Variants in MGAT4C observed in about 807,000 individuals in gnomAD.
The protein encoded by MGAT4C is alpha-1,3-mannosyl-glycoprotein 4-beta-N-acetylglucosaminyltransferase C.
Under a neutral mutation model 40.1 loss-of-function variants are expected in MGAT4C, and 19 were observed. The ratio of observed to expected loss-of-function variants is 0.47; its 90% confidence interval spans 0.33 to 0.70. The LOEUF is 0.70. Ranked by LOEUF, MGAT4C falls within the 30% of genes least tolerant of loss-of-function variation. The pLI is 0.02. For synonymous variants in MGAT4C, 181 were observed against 187.1 expected, an observed-to-expected ratio of 0.97 and a Z score of 0.27; for missense variants, 491 against 563.2, an observed-to-expected ratio of 0.87 and a Z score of 1.30.
intron 3 of MGAT4C, among the ~76,000 whole-genome samples, chr12:86,399,654 C>G (rs1956321871): frequency 6.6e-6 from 1 of 152,020 alleles, no homozygotes; most frequent in African/African-American, 2.4e-5. Context: ...ATGAAAGGCT[C>G]AAGAGGAGAA....
chr12:86,744,492 T>C (rs1166028867), intron 1 of MGAT4C, among the ~76,000 whole-genome samples: 1 of 151,484 alleles, frequency 6.6e-6, no homozygotes, highest in Non-Finnish European at 1.5e-5. Context: ...AAGTTCATAG[T>C]ACATTTTGGT....
chr12:86,122,391 A>G (rs1431745733), intron 1 of MGAT4C, among the ~76,000 whole-genome samples: 1 of 152,158 alleles, frequency 6.6e-6, no homozygotes, highest in Non-Finnish European at 1.5e-5. Flanking sequence ...TATATTCTAA[A>G]GTATTTTTAT....
intron 1 of MGAT4C, among the ~76,000 whole-genome samples, chr12:86,075,490 C>T (rs1453217357): frequency 6.6e-6 from 1 of 152,148 alleles, no homozygotes; most frequent in African/African-American, 2.4e-5. Flanking sequence ...ATTCTGGGGT[C>T]TGGAAGACAG....
At chr12:86,400,112 T>C (rs1217272131) in intron 3 of MGAT4C, among the ~76,000 whole-genome samples, 1 of 152,148 alleles carries the variant, frequency 6.6e-6, no homozygotes, top group Non-Finnish European at 1.5e-5. Context: ...GACACCCAGC[T>C]GGTATCTGCT....
At chr12:86,523,822 C>G (rs929580624) in intron 2 of MGAT4C, among the ~76,000 whole-genome samples, 7 of 152,052 alleles carry the variant, frequency 4.6e-5, no homozygotes, top group African/African-American at 1.7e-4. Flanking sequence ...TAGAATTTAA[C>G]CCTTTATCAT....
At chr12:86,205,675 T>G (rs1950222465) in intron 1 of MGAT4C, among the ~76,000 whole-genome samples, 1 of 152,022 alleles carries the variant, frequency 6.6e-6, no homozygotes. Flanking sequence ...TAGAAGCCTT[T>G]AATGCAGATT....
At chr12:86,349,020 A>G (rs1354251220) in intron 3 of MGAT4C, among the ~76,000 whole-genome samples, 2 of 152,188 alleles carry the variant, frequency 1.3e-5, no homozygotes, top group Non-Finnish European at 2.9e-5. Context: ...TTTTGTTAGA[A>G]TTATTCTGTT....
rs535270801 is a variant in MGAT4C, at chr12:86,007,080, C to A, written c.-6-17528G>T. ...TAATTATGACTAATATAAAGAGTAT[C>A]TTCCTCTGTTTATATTTTTCTCTTT... On this transcript the variant is annotated intron_variant, in intron 2 of 4. Transcript: ENST00000611864. Among the ~76,000 whole-genome samples the A allele has an allele frequency of 3.6e-4, 55 of 152,054 alleles. 1 individual carries two copies. The highest frequency in any genetic ancestry group is 6.3e-4 in the Non-Finnish European group (43 of 68,000).
At chr12:86,765,604 G>T (rs937316490) in intron 1 of MGAT4C, among the ~76,000 whole-genome samples, 18 of 152,090 alleles carry the variant, frequency 1.2e-4, no homozygotes, top group South Asian at 4.1e-4. Context: ...AAATGTAAAG[G>T]GCAGCCAGAG....
At chr12:86,683,614 TA>T (rs1338819354) in intron 2 of MGAT4C, among the ~76,000 whole-genome samples, 1 of 152,146 alleles carries the variant, frequency 6.6e-6, no homozygotes, top group African/African-American at 2.4e-5. Context: ...GACTCACCAC[TA>T]TGCTAATTTG....
intron 1 of MGAT4C, among the ~76,000 whole-genome samples, chr12:86,094,890 G>A (rs914267835): frequency 2.0e-5 from 3 of 152,090 alleles, no homozygotes; most frequent in African/African-American, 4.8e-5. Context: ...GGATTACAGA[G>A]CCAATTCTTC....
At chr12:86,336,040 C>T (rs867705970) in intron 3 of MGAT4C, among the ~76,000 whole-genome samples, 1 of 152,100 alleles carries the variant, frequency 6.6e-6, no homozygotes, top group African/African-American at 2.4e-5. Context: ...CCAACCCTTG[C>T]GTCAACCACT....
chr12:86,826,358 G>A lies in MGAT4C; in HGVS notation c.-262+12308C>T, dbSNP rs564303270. 4.0e-5 allele frequency among the ~76,000 whole-genome samples: 6 copies of A among 151,454 alleles called. No individual in the cohort carries two copies. The East Asian group carries it at 1.2e-3, about 30-fold the overall frequency. On this transcript the variant is annotated intron_variant, in intron 1 of 7. Transcript: ENST00000548651. Reference sequence around the variant, plus strand: ...TCATGCTGATCTGGTAGGAGACAGGGCAGGATTAGGTTATAAAAACTGGCT... The same window carrying A: ...TCATGCTGATCTGGTAGGAGACAGGACAGGATTAGGTTATAAAAACTGGCT...
intron 1 of MGAT4C, among the ~76,000 whole-genome samples, chr12:86,190,242 C>T (rs1374317301): frequency 6.6e-6 from 1 of 152,008 alleles, no homozygotes; most frequent in East Asian, 1.9e-4. Context: ...ATGCACTTTT[C>T]ACATTTTTCT....
intron 1 of MGAT4C, among the ~76,000 whole-genome samples, chr12:86,796,010 T>A (rs961810285): frequency 6.6e-6 from 1 of 151,990 alleles, no homozygotes; most frequent in African/African-American, 2.4e-5. Flanking sequence ...CACATGAACT[T>A]CAAAAAATTT....
At chr12:86,728,950 G>T (rs934339527) in intron 1 of MGAT4C, among the ~76,000 whole-genome samples, 1 of 152,062 alleles carries the variant, frequency 6.6e-6, no homozygotes, top group Non-Finnish European at 1.5e-5. Flanking sequence ...TGTAATAAAA[G>T]AATAAGAAGG....
At chr12:86,403,395 T>G (rs1175561882) in intron 3 of MGAT4C, among the ~76,000 whole-genome samples, 1 of 152,210 alleles carries the variant, frequency 6.6e-6, no homozygotes, top group African/African-American at 2.4e-5. Context: ...TGTTAGCAGC[T>G]TCTGTTTCCT....
At chr12:86,040,089 C>T (rs117461565) in intron 2 of MGAT4C, among the ~76,000 whole-genome samples, 5,216 of 152,292 alleles carry the variant, frequency 0.034, 139 homozygotes, top group Middle Eastern at 0.14. Flanking sequence ...CCTATTCCTT[C>T]CTCTAGAAGC....
chr12:86,427,992 C>T (rs1956961525), intron 3 of MGAT4C, among the ~76,000 whole-genome samples: 1 of 151,928 alleles, frequency 6.6e-6, no homozygotes, highest in African/African-American at 2.4e-5. Flanking sequence ...TGCACTCCAG[C>T]CAGGGAGACA....
Sources: gnomAD v4.1 joint callset for allele counts (sites outside exome capture counted in the v4.1 genomes callset) on GRCh38, gnomAD v4.1.1 for gene constraint, MANE v1.5 for transcripts, NCBI Gene and HGNC (gene_info 2026-07-23, HGNC 2026-07-21) for gene names.